The following PID1 variants were observed in gnomAD, a reference collection of about 807,000 sequenced individuals.
The protein encoded by PID1 is phosphotyrosine interaction domain containing 1.
A neutral mutation model predicts 19.1 loss-of-function variants in PID1; 10 were observed. The ratio of observed to expected loss-of-function variants is 0.52; its 90% CI spans 0.32 to 0.89. The LOEUF (loss-of-function observed/expected upper bound fraction) is 0.89, where lower values mean the gene tolerates loss of function less well. PID1 is among the 40% of genes least tolerant of loss of function. The probability of loss-of-function intolerance (pLI) is 0.03; values close to 1 mark genes in which losing one functional copy is unlikely to be tolerated. For synonymous variants in PID1, 130 were observed against 116.0 expected, an observed-to-expected ratio of 1.12 and a Z score of -0.78; for missense variants, 248 against 285.3, an observed-to-expected ratio of 0.87 and a Z score of 0.94.
At chr2:229,056,842 A>G (rs1326145495) in intron 2 of PID1, among the ~76,000 whole-genome samples, 1 of 152,078 alleles carries the variant, frequency 6.6e-6, no homozygotes, top group Non-Finnish European at 1.5e-5. Flanking sequence ...GTAGAGATTC[A>G]TATTTCCTGA....
chr2:229,227,906 T>C, intron 1 of PID1: 1 of 449,770 alleles, frequency 2.2e-6, no homozygotes, highest in Non-Finnish European at 4.5e-6. Flanking sequence ...TGATGGAAAA[T>C]ATACAGGAGG....
intron 1 of PID1, among the ~76,000 whole-genome samples, chr2:229,188,109 CA>C (rs926880761): frequency 1.3e-5 from 2 of 151,904 alleles, no homozygotes; most frequent in African/African-American, 4.8e-5. Context: ...ATCATCAAAA[CA>C]AAAAAAGCAG....
chr2:229,244,732 C>T (rs1689957127), intron 1 of PID1: 1 of 152,074 alleles, frequency 6.6e-6, no homozygotes, highest in Admixed American at 6.6e-5. Flanking sequence ...AAAGCAATTC[C>T]CTACTTTGTT....
At chr2:229,143,534 C>A (rs6436851) in intron 2 of PID1, among the ~76,000 whole-genome samples, 22,022 of 151,952 alleles carry the variant, frequency 0.14, 1,980 homozygotes, top group East Asian at 0.28. Context: ...AGTGGGTGAA[C>A]ATCCACACCA....
At chr2:229,059,300 G>A (rs914720581) in intron 2 of PID1, among the ~76,000 whole-genome samples, 2 of 152,124 alleles carry the variant, frequency 1.3e-5, no homozygotes, top group African/African-American at 4.8e-5. Context: ...ACAGTGACTT[G>A]AATTCATGAA....
intron 1 of PID1, among the ~76,000 whole-genome samples, chr2:229,256,933 A>G (rs543403458): frequency 1.3e-5 from 2 of 152,208 alleles, no homozygotes; most frequent in African/African-American, 2.4e-5. Context: ...ATAACTCCTA[A>G]TAAGTGAAGC....
intron 2 of PID1, among the ~76,000 whole-genome samples, chr2:229,050,026 TAATTATAAC>T (rs1224001452): frequency 1.3e-5 from 2 of 152,168 alleles, no homozygotes; most frequent in African/African-American, 4.8e-5. Context: ...CTATAAACGT[TAATTATAAC>T]AGAGGAAAAA....
chr2:229,073,182 C>T (rs561352828), intron 2 of PID1, among the ~76,000 whole-genome samples: 24 of 152,168 alleles, frequency 1.6e-4, no homozygotes, highest in African/African-American at 5.3e-4. Context: ...CCCGCCACCA[C>T]GCCTGGCTAA....
intron 1 of PID1, among the ~76,000 whole-genome samples, chr2:229,244,264 C>T (rs1329720267): frequency 6.6e-6 from 1 of 152,216 alleles, no homozygotes; most frequent in Non-Finnish European, 1.5e-5. Flanking sequence ...TACCCAGTAG[C>T]CTTTTTCCAG....
In PID1 at chr2:229,183,455, G is replaced by T. The variant is rs567047874; in HGVS notation, c.31-27491C>A. On this transcript the variant is annotated intron_variant, in intron 1 of 2. Coordinates refer to ENST00000392055, the MANE Select transcript of PID1 (RefSeq NM_001100818.2). ...ATTCTAAGTGTGTCTATGAGGGTGT[G>T]TTGGGTGAGACTCACATTTGAATTG... Among the ~76,000 whole-genome samples the T allele has an allele frequency of 3.3e-5, 5 of 152,342 alleles. No individual in the cohort carries two copies. The South Asian group carries it at 8.3e-4, about 25-fold the overall frequency.
intron 1 of PID1, among the ~76,000 whole-genome samples, chr2:229,201,825 T>C (rs1226620063): frequency 1.3e-5 from 2 of 152,040 alleles, no homozygotes; most frequent in African/African-American, 4.8e-5. Context: ...TCCCAATAGG[T>C]GTCGGGTAGT....
chr2:229,070,680 G>A (rs557820873), intron 2 of PID1, among the ~76,000 whole-genome samples: 1 of 152,226 alleles, frequency 6.6e-6, no homozygotes, highest in South Asian at 2.1e-4. Flanking sequence ...AGGCCTTCTG[G>A]GGGAGCAGGA....
chr2:229,246,182 T>C (rs1042017106), intron 1 of PID1, among the ~76,000 whole-genome samples: 9 of 152,188 alleles, frequency 5.9e-5, no homozygotes, highest in African/African-American at 2.2e-4. Flanking sequence ...TTTAGGTAAT[T>C]ATCAATTATC....
intron 2 of PID1, among the ~76,000 whole-genome samples, chr2:229,098,688 T>A (rs17676036): frequency 6.6e-6 from 1 of 152,126 alleles, no homozygotes; most frequent in Non-Finnish European, 1.5e-5. Flanking sequence ...ATTGCATGAT[T>A]ATTCTTCTTT....
At chr2:229,133,454 A>T (rs1186188704) in intron 2 of PID1, among the ~76,000 whole-genome samples, 1 of 152,192 alleles carries the variant, frequency 6.6e-6, no homozygotes. Flanking sequence ...CTGTGACCTA[A>T]ATTAGTATCA....
intron 2 of PID1, among the ~76,000 whole-genome samples, chr2:229,101,748 C>T (rs1009558651): frequency 1.3e-5 from 2 of 152,200 alleles, no homozygotes; most frequent in Admixed American, 6.5e-5. Context: ...CTTCAGATCA[C>T]CAGCTTCAAT....
At chr2:229,109,386 A>C (rs1297324464) in intron 2 of PID1, among the ~76,000 whole-genome samples, 1 of 152,204 alleles carries the variant, frequency 6.6e-6, no homozygotes, top group Middle Eastern at 3.2e-3. Context: ...TTAGGGGAGC[A>C]GAAAAACCTG....
Position 229,142,321 on chromosome 2 carries a change from G to C in PID1, c.177+13497C>G, listed in dbSNP as rs143260357. 8.0e-3 allele frequency among the ~76,000 whole-genome samples: 1,225 copies of C among 152,216 alleles called. 9 individuals are homozygous for C. The highest frequency in any genetic ancestry group is 0.012 in the Non-Finnish European group (839 of 67,998). ...TCAAATGGCTAAAATTAGCAAGTTA[G>C]AGAGGATTTAACAATCCAGAGAGGA... On this transcript the variant is annotated intron_variant, in intron 2 of 2. Coordinates refer to ENST00000392055, the MANE Select transcript of PID1 (RefSeq NM_001100818.2).
At chr2:229,115,536 G>T (rs1216243363) in intron 2 of PID1, among the ~76,000 whole-genome samples, 1 of 152,116 alleles carries the variant, frequency 6.6e-6, no homozygotes. Context: ...TTTTAAAGCA[G>T]AATTTAAGTA....
Sources: allele counts gnomAD v4.1 joint callset (sites outside exome capture counted in the v4.1 genomes callset), GRCh38; gene constraint gnomAD v4.1.1; transcripts MANE v1.5; gene names NCBI Gene and HGNC (gene_info 2026-07-23, HGNC 2026-07-21).